BPNT2: variants seen among roughly 807,000 people sequenced by gnomAD.
BPNT2 encodes the protein Golgi-resident adenosine 3',5'-bisphosphate 3'-phosphatase.
BPNT2 carries 11 observed loss-of-function variants against 29.3 expected under a neutral mutation model. The ratio of observed to expected loss-of-function variants is 0.38; its 90% CI spans 0.24 to 0.62. The LOEUF is 0.62. BPNT2 is among the 20% of genes least tolerant of loss of function. The probability of loss-of-function intolerance (pLI) is 0.62; values close to 1 mark genes in which losing one functional copy is unlikely to be tolerated. For synonymous variants in BPNT2, 195 were observed against 187.7 expected (o/e 1.04, Z -0.32); for missense variants, 459 against 473.4 (o/e 0.97, Z 0.28).
intron 3 of BPNT2, among the ~76,000 whole-genome samples, chr8:56,975,576 G>A (rs1448530027): frequency 6.6e-6 from 1 of 152,026 alleles, no homozygotes; most frequent in Non-Finnish European, 1.5e-5. Context: ...CAAAATAATT[G>A]TAAGATACTA....
At chr8:56,982,760 T>A (rs1047037165) in intron 1 of BPNT2, among the ~76,000 whole-genome samples, 97 of 151,920 alleles carry the variant, frequency 6.4e-4, no homozygotes, top group African/African-American at 2.3e-3. Context: ...GAAAAAGGGG[T>A]AGATAGTATT....
intron 1 of BPNT2, among the ~76,000 whole-genome samples, chr8:56,990,731 T>C (rs1806403785): frequency 6.6e-6 from 1 of 152,064 alleles, no homozygotes; most frequent in Non-Finnish European, 1.5e-5. Flanking sequence ...CAATCAAAAA[T>C]GTCTTCCGAC....
chr8:56,963,286 TACA>T lies in BPNT2; in HGVS notation c.*504_*506del, dbSNP rs199901281. 2,205 of 153,374 alleles carry T rather than the reference TACA, an allele frequency of 0.014. 43 individuals carry two copies. The highest frequency in any genetic ancestry group is 0.049 in the African/African-American group (2,039 of 41,580). The allele number at this position is 153,374 out of a possible 1,614,324, so 9.5% of individuals were successfully genotyped here. On this transcript the variant is annotated 3_prime_UTR_variant, in exon 5 of 5. Coordinates refer to ENST00000262644, the MANE Select transcript of BPNT2 (RefSeq NM_017813.5). Reference sequence around the variant, plus strand: ...CCATAGAAATATTCAGTAACATAAATACAACATTTGTTGCATATTAATGAATGT... The same window carrying T: ...CCATAGAAATATTCAGTAACATAAATACATTTGTTGCATATTAATGAATGT...
rs745353531 is a variant in BPNT2 at position 56,993,432 on chromosome 8, G to A, written c.154C>T (p.Pro52Ser). 4.7e-6 allele frequency: 7 copies of A among 1,478,368 alleles called. No homozygotes were observed. The Admixed American group carries it at 8.3e-5, about 17-fold the overall frequency. The allele number at this position is 1,478,368 out of a possible 1,614,324, so 91.6% of individuals were successfully genotyped here. ...GGEPGGGAAG[P>S]AAAADGGTVD... ...GTGCCCCCATCGGCCGCGGCCGCGG[G>A]CCCCGCCGCGCCGCCGCCAGGCTCG... Residue 52 changes from proline to serine, a missense_variant, in exon 1 of 5, where the codon CCC becomes TCC. Coordinates refer to ENST00000262644, the MANE Select transcript of BPNT2 (RefSeq NM_017813.5).
Position 56,964,042 on chromosome 8 carries a change from CAA to C in BPNT2, c.829_830del (p.Leu277GlyfsTer4). On this transcript the variant is annotated frameshift_variant, in exon 5 of 5. Transcript: ENST00000262644. LOFTEE classifies it high-confidence loss of function. ...GGAGYKVLALLDVPDKSQEKA... is the reference protein window; with the variant it reads ...GGAGYKVLALXDVPDKSQEKA... ...TTTCTTGACTCTTATCAGGCACATC[CAA>C]AAGTGCTAAAACTTTATAACCTAAA... 3 of 1,598,128 alleles carry C rather than the reference CAA, an allele frequency of 1.9e-6. No individual in the cohort carries two copies. The highest frequency in any genetic ancestry group is 2.6e-6 in the Non-Finnish European group (3 of 1,169,868).
chr8:56,968,277 G>A (rs1805980566), intron 3 of BPNT2, among the ~76,000 whole-genome samples: 1 of 151,224 alleles, frequency 6.6e-6, no homozygotes, highest in African/African-American at 2.4e-5. Flanking sequence ...CTAAATCACA[G>A]GACACACAAA....
chr8:56,982,048 A>G (rs1806253829), intron 1 of BPNT2, among the ~76,000 whole-genome samples: 1 of 152,220 alleles, frequency 6.6e-6, no homozygotes, highest in African/African-American at 2.4e-5. Context: ...GTACCCTGAA[A>G]CACCCCAAAT....
At chr8:56,980,837 C>T (rs1014307522) in intron 1 of BPNT2, among the ~76,000 whole-genome samples, 2 of 150,704 alleles carry the variant, frequency 1.3e-5, no homozygotes, top group Non-Finnish European at 3.0e-5. Flanking sequence ...CACACACACA[C>T]ACACACACAC....
intron 3 of BPNT2, among the ~76,000 whole-genome samples, chr8:56,972,817 A>G (rs1213487924): frequency 6.6e-6 from 1 of 151,968 alleles, no homozygotes; most frequent in East Asian, 1.9e-4. Context: ...CTGCTTGAAC[A>G]GGTTTTCAAT....
chr8:56,984,213 C>A (rs755371738), intron 1 of BPNT2, among the ~76,000 whole-genome samples: 6 of 152,104 alleles, frequency 3.9e-5, no homozygotes, highest in Non-Finnish European at 8.8e-5. Flanking sequence ...CATTATAGAA[C>A]AGTATTTGAA....
intron 1 of BPNT2, among the ~76,000 whole-genome samples, chr8:56,985,466 C>G (rs895915565): frequency 2.7e-4 from 41 of 152,234 alleles, no homozygotes; most frequent in Middle Eastern, 6.8e-3. Flanking sequence ...ATCCCTGCCC[C>G]CTCCCGACAC....
intron 1 of BPNT2, among the ~76,000 whole-genome samples, chr8:56,991,906 T>C (rs1806422186): frequency 6.6e-6 from 1 of 151,706 alleles, no homozygotes; most frequent in Non-Finnish European, 1.5e-5. Flanking sequence ...TTTGTGATGA[T>C]AAAAACAGAG....
Position 56,957,984 on chromosome 8 carries a change from A to G in BPNT2, c.*5809T>C, listed in dbSNP as rs905215879. ...GAATTCAAATTTCGTTTGGCAAAGT[A>G]TATCCGGGGCAGAGAGTTTGGGATA... On this transcript the variant is annotated 3_prime_UTR_variant, in exon 5 of 5. Transcript: ENST00000262644. 6.6e-6 allele frequency: 1 copy of G among 152,152 alleles called. No individual in the cohort carries two copies. Among genetic ancestry groups the G allele is most frequent in the African/African-American group, 2.4e-5 (1 of 41,430 alleles). 9.4% of individuals were successfully genotyped at this position (152,152 alleles called of 1,614,324 possible).
intron 1 of BPNT2, among the ~76,000 whole-genome samples, chr8:56,982,067 G>A (rs1339365110): frequency 6.6e-6 from 1 of 151,812 alleles, no homozygotes; most frequent in East Asian, 1.9e-4. Context: ...ATTATCACAG[G>A]AGAGGTTAAA....
At chr8:56,966,114 A>G (rs1193086648) in intron 4 of BPNT2, 77 bp downstream of exon 4, 2 of 1,508,106 alleles carry the variant, frequency 1.3e-6, no homozygotes, top group African/African-American at 1.4e-5. Context: ...AAGCATGGAC[A>G]AGCAAATTAG....
intron 1 of BPNT2, among the ~76,000 whole-genome samples, chr8:56,990,994 T>C (rs537259098): frequency 1.3e-5 from 2 of 152,302 alleles, no homozygotes; most frequent in East Asian, 3.9e-4. Context: ...ATAATTTAAG[T>C]TTCTTACCAA....
At chr8:56,986,132 T>A (rs1342554310) in intron 1 of BPNT2, among the ~76,000 whole-genome samples, 1 of 152,166 alleles carries the variant, frequency 6.6e-6, no homozygotes, top group East Asian at 1.9e-4. Flanking sequence ...ATTTTCCCTT[T>A]TATAAAAGTA....
At chr8:56,967,251 G>A (rs1347123803) in intron 3 of BPNT2, 1 of 456,268 alleles carries the variant, frequency 2.2e-6, no homozygotes, top group Non-Finnish European at 4.4e-6. Flanking sequence ...CATTAGCTGA[G>A]TTTGGGTTTC....
chr8:56,966,042 G>A (rs1370582078), intron 4 of BPNT2, 149 bp downstream of exon 4: 1 of 807,314 alleles, frequency 1.2e-6, no homozygotes, highest in Non-Finnish European at 2.1e-6. Flanking sequence ...CCACCCTCGA[G>A]GTTACCAAAC....
Sources: allele counts gnomAD v4.1 joint callset (sites outside exome capture counted in the v4.1 genomes callset), GRCh38; gene constraint gnomAD v4.1.1; transcripts MANE v1.5; gene names NCBI Gene and HGNC (gene_info 2026-07-23, HGNC 2026-07-21).